MYO5B: variants seen among roughly 807,000 people sequenced by gnomAD.
MYO5B encodes the protein myosin VB.
A neutral mutation model predicts 229.3 loss-of-function variants in MYO5B; 143 were observed. The ratio of observed to expected loss-of-function variants is 0.62; its 90% CI spans 0.54 to 0.72. MYO5B has a LOEUF of 0.72. Ranked by LOEUF, MYO5B falls within the 30% of genes least tolerant of loss-of-function variation. The pLI is 0.00. For synonymous variants in MYO5B, 918 were observed against 885.2 expected (o/e 1.04, Z -0.66); for missense variants, 2,321 against 2,331.0 (o/e 1.00, Z 0.09).
chr18:49,979,973 ATG>A (rs1341167883), intron 9 of MYO5B, among the ~76,000 whole-genome samples: 7 of 152,200 alleles, frequency 4.6e-5, no homozygotes, highest in Non-Finnish European at 8.8e-5. Flanking sequence ...GTACTTTCAC[ATG>A]TGTGTCTCAC....
chr18:50,114,271 G>A (rs1204322685), intron 1 of MYO5B, among the ~76,000 whole-genome samples: 1 of 152,222 alleles, frequency 6.6e-6, no homozygotes, highest in South Asian at 2.1e-4. Flanking sequence ...ATAATACTGA[G>A]TTTATGTTAT....
rs915863142 is a variant in MYO5B, at chr18:49,908,229, T to C, written c.2203-1599A>G. ...GGATTTCTCTGAGGGTCTCACCTGC[T>C]CCACTGAGACACCCATCAGCCTCAT... On this transcript the variant is annotated intron_variant, in intron 18 of 39. Coordinates refer to ENST00000285039, the MANE Select transcript of MYO5B (RefSeq NM_001080467.3). Among the ~76,000 whole-genome samples the C allele has an allele frequency of 5.3e-5, 8 of 152,184 alleles. 1 individual carries two copies. The highest frequency in any genetic ancestry group is 1.2e-4 in the Non-Finnish European group (8 of 68,032).
intron 1 of MYO5B, among the ~76,000 whole-genome samples, chr18:50,144,680 A>G (rs1414949207): frequency 6.6e-6 from 1 of 152,206 alleles, no homozygotes; most frequent in African/African-American, 2.4e-5. Flanking sequence ...GATGAAGGAA[A>G]ATGCTGATAT....
chr18:50,059,450 C>A lies in MYO5B; in HGVS notation c.28-4072G>T, dbSNP rs146214605. ...GGAGAGAGGGGAAAACAAGTTAATG[C>A]CGACTTTGGAAGAGAGAAAGTTGGT... On this transcript the variant is annotated intron_variant, in intron 1 of 39. Coordinates refer to ENST00000285039, the MANE Select transcript of MYO5B (RefSeq NM_001080467.3). 2.4e-3 allele frequency among the ~76,000 whole-genome samples: 359 copies of A among 152,236 alleles called. 1 individual carries two copies. The highest frequency in any genetic ancestry group is 7.6e-3 in the African/African-American group (316 of 41,534).
At chr18:49,862,315 T>A (rs1304589456) in intron 29 of MYO5B, among the ~76,000 whole-genome samples, 1 of 152,108 alleles carries the variant, frequency 6.6e-6, no homozygotes, top group Admixed American at 6.5e-5. Flanking sequence ...TCCGTTTTTA[T>A]AGGTGCCCAC....
chr18:49,860,019 C>T (rs961857234), intron 29 of MYO5B, among the ~76,000 whole-genome samples: 4 of 152,168 alleles, frequency 2.6e-5, no homozygotes, highest in Admixed American at 6.5e-5. Context: ...ACCCCAGGTG[C>T]GCCCGACCAA....
rs138575628 is a variant in MYO5B, at chr18:50,141,265, G to C, written c.27+53502C>G. ...AGTCACTGCCCCTTTCCATGGCACG[G>C]ACCTGATGACTGAAAAGTTACCATC... On this transcript the variant is annotated intron_variant, in intron 1 of 39. Transcript: ENST00000285039. 4.8e-4 allele frequency among the ~76,000 whole-genome samples: 73 copies of C among 152,274 alleles called. 1 individual carries two copies. Among genetic ancestry groups the C allele is most frequent in the Admixed American group, 3.3e-3 (51 of 15,296 alleles).
intron 4 of MYO5B, among the ~76,000 whole-genome samples, chr18:50,010,708 T>C (rs2026152316): frequency 6.6e-6 from 1 of 152,214 alleles, no homozygotes; most frequent in South Asian, 2.1e-4. Context: ...TTCAGACTTA[T>C]TCTAATGTTG....
intron 33 of MYO5B, among the ~76,000 whole-genome samples, chr18:49,846,400 T>A (rs1392006053): frequency 6.6e-6 from 1 of 152,104 alleles, no homozygotes; most frequent in African/African-American, 2.4e-5. Flanking sequence ...AGCAACGAAA[T>A]ACGAACTTTC....
chr18:49,933,840 C>G (rs1244726678), intron 16 of MYO5B, among the ~76,000 whole-genome samples: 1 of 152,176 alleles, frequency 6.6e-6, no homozygotes. Flanking sequence ...TTTATACTCT[C>G]ATGAATAATT....
intron 24 of MYO5B, 37 bp downstream of exon 24, chr18:49,878,908 G>C: frequency 6.2e-7 from 1 of 1,612,050 alleles, no homozygotes; most frequent in African/African-American, 1.3e-5. Context: ...AGGAGCCAGG[G>C]ACCTGTGCCA....
intron 14 of MYO5B, among the ~76,000 whole-genome samples, chr18:49,952,406 G>A (rs528941457): frequency 2.0e-5 from 3 of 146,386 alleles, no homozygotes; most frequent in East Asian, 4.1e-4. Flanking sequence ...CATCAGAGTC[G>A]GCTTTTAGAA....
At chr18:49,984,864 GACACTTCATC>G in intron 7 of MYO5B, 39 bp from the exon 8 acceptor site, 4 of 1,380,168 alleles carry the variant, frequency 2.9e-6, no homozygotes, top group Non-Finnish European at 4.1e-6. Flanking sequence ...GGCACTGGAG[GACACTTCATC>G]CCACAGATCG....
At position 49,847,161 on chromosome 18, in the gene MYO5B, G is replaced by A. The variant is rs531744417; in HGVS notation, c.4444C>T (p.Arg1482Trp). ...YHKEDEALLI[R>W]NLVTDLKPQM... ...GGGTCCTTACCTGTCACCAGGTTCC[G>A]GATGAGGAGGGCCTCGTCCTCTTTG... The change falls in exon 33 of 40, where the codon CGG (arginine) becomes TGG (tryptophan). Residue 1482 changes from arginine to tryptophan, a missense_variant. Physicochemically the swap from Arg to Trp is moderately radical, Grantham distance 101. Around this residue, in one of 2 missense-constraint regions of MYO5B, gnomAD observed 2,113 missense variants for 2,044.7 expected, o/e 1.03. Transcript: ENST00000285039. 230 of 1,614,130 alleles carry A rather than the reference G, an allele frequency of 1.4e-4. No homozygotes were observed. The highest frequency in any genetic ancestry group is 7.0e-4 in the Admixed American group (42 of 60,026).
At chr18:49,872,732 G>A (rs765065449) in intron 26 of MYO5B, among the ~76,000 whole-genome samples, 5 of 152,150 alleles carry the variant, frequency 3.3e-5, no homozygotes, top group Non-Finnish European at 7.3e-5. Context: ...GGAACACCAC[G>A]ATGGCCAAAA....
chr18:49,892,401 C>T (rs920036510), intron 22 of MYO5B, among the ~76,000 whole-genome samples: 1 of 152,198 alleles, frequency 6.6e-6, no homozygotes, highest in Non-Finnish European at 1.5e-5. Context: ...CCACGTGGCC[C>T]ACCAATTAAT....
chr18:50,063,843 A>G (rs564818682), intron 1 of MYO5B: 58 of 152,416 alleles, frequency 3.8e-4, no homozygotes, highest in African/African-American at 1.3e-3. Flanking sequence ...GAAGCTAATA[A>G]GGAATCGAGT....
intron 2 of MYO5B, among the ~76,000 whole-genome samples, chr18:50,043,540 A>G (rs1243293288): frequency 8.1e-6 from 1 of 122,966 alleles, no homozygotes; most frequent in African/African-American, 3.2e-5. Flanking sequence ...TATTTTATAT[A>G]TAAATATAAA....
chr18:49,995,951 A>G (rs1314569863), intron 5 of MYO5B, among the ~76,000 whole-genome samples: 1 of 152,232 alleles, frequency 6.6e-6, no homozygotes, highest in Middle Eastern at 3.2e-3. Flanking sequence ...AATAAAGTGG[A>G]CAAAGGCACA....
Sources: allele counts gnomAD v4.1 joint callset (sites outside exome capture counted in the v4.1 genomes callset), GRCh38; gene constraint gnomAD v4.1.1; regional missense constraint gnomAD v4.1.1; transcripts MANE v1.5; gene names NCBI Gene and HGNC (gene_info 2026-07-23, HGNC 2026-07-21).